PKD2L1: variants seen among roughly 807,000 people sequenced by gnomAD.
PKD2L1 encodes polycystin-2-like protein 1.
PKD2L1 carries 77 observed loss-of-function variants against 93.0 expected under a neutral mutation model. The observed-to-expected ratio is 0.83, with a 90% confidence interval of 0.69 to 1.00. The LOEUF is 1.00. Among genes scored for constraint, PKD2L1 ranks in the 50% least tolerant of loss-of-function variants. PKD2L1 has a pLI of 0.00. For missense variants in PKD2L1, 977 were observed against 990.9 expected (o/e 0.99, Z 0.19); for synonymous variants, 390 against 388.0 (o/e 1.01, Z -0.06).
intron 2 of PKD2L1, among the ~76,000 whole-genome samples, chr10:100,319,562 C>T (rs1287543583): frequency 6.6e-6 from 1 of 152,238 alleles, no homozygotes; most frequent in Admixed American, 6.5e-5. Flanking sequence ...TCTAGAAATA[C>T]TGTCAAGCTT....
At chr10:100,303,623 A>G (rs989414326) in intron 2 of PKD2L1, among the ~76,000 whole-genome samples, 1 of 152,200 alleles carries the variant, frequency 6.6e-6, no homozygotes. Flanking sequence ...GGGCACTAAC[A>G]TTATACTTTT....
chr10:100,303,191 G>GTTTTTTTTTTTTTTTTTTTTTTTTTTTTT lies in PKD2L1; in HGVS notation c.350-3474_350-3473insAAAAAAAAAAAAAAAAAAAAAAAAAAAAA, dbSNP rs146131470. Among the ~76,000 whole-genome samples the GTTTTTTTTTTTTTTTTTTTTTTTTTTTTT allele has an allele frequency of 8.5e-5, 11 of 128,982 alleles. 5 individuals are homozygous for GTTTTTTTTTTTTTTTTTTTTTTTTTTTTT. The highest frequency in any genetic ancestry group is 1.3e-4 in the Non-Finnish European group (8 of 62,728). The allele number at this position is 128,982 out of a possible 152,430, so 84.6% of individuals were successfully genotyped here. A position where few individuals can be genotyped will look rare whatever the true frequency, so the allele number is the denominator to read the frequency against. The stretch of plus-strand genomic sequence containing the variant: ...TTTAAGTCCATAATTACATCAAACT[G>GTTTTTTTTTTTTTTTTTTTTTTTTTTTTT]TTTTTTTGTTTTTTTTTTTGAGACG... On this transcript the variant is annotated intron_variant, in intron 2 of 15. Transcript: ENST00000318222.
intron 2 of PKD2L1, among the ~76,000 whole-genome samples, chr10:100,302,688 TC>T (rs34863323): frequency 0.16 from 18,049 of 113,684 alleles, 1,100 homozygotes; most frequent in Admixed American, 0.2. Context: ...TGAGACTCTG[TC>T]CCCCAAAAAA....
chr10:100,308,084 A>G (rs1030276582), intron 2 of PKD2L1, among the ~76,000 whole-genome samples: 5 of 152,170 alleles, frequency 3.3e-5, no homozygotes, highest in Non-Finnish European at 5.9e-5. Context: ...TGATGGTTTC[A>G]TGTCAAATGT....
At chr10:100,303,259 T>C (rs1241693013) in intron 2 of PKD2L1, among the ~76,000 whole-genome samples, 1 of 143,680 alleles carries the variant, frequency 7.0e-6, no homozygotes, top group African/African-American at 2.6e-5. Context: ...AATGGCACGA[T>C]CTCGGCTCAC....
rs2134377555 is a variant in PKD2L1, at chr10:100,292,956, G to A, written c.1872C>T (p.Thr624=). 1 of 1,614,000 alleles carries A rather than the reference G, an allele frequency of 6.2e-7. No individual in the cohort carries two copies. Among genetic ancestry groups the A allele is most frequent in the East Asian group, 2.2e-5 (1 of 44,892 alleles). ...QEIQFEDFTN[T]LRELGHAEHE... ...GGTCTCTGGTTGCTCACTCCCTTAA[G>A]GTGTTGGTGAAATCCTCAAACTGGA... is the stretch of plus-strand genomic sequence containing the variant. The change falls in exon 11 of 16, where the codon ACC becomes ACT. Residue 624 remains threonine (T), a synonymous_variant. Transcript: ENST00000318222.
At chr10:100,317,042 C>T (rs951151057) in intron 2 of PKD2L1, among the ~76,000 whole-genome samples, 4 of 151,640 alleles carry the variant, frequency 2.6e-5, no homozygotes, top group Admixed American at 6.6e-5. Flanking sequence ...GAGCCAAGAT[C>T]GCCCCACTGC....
chr10:100,321,753 AAGAAG>A (rs1345841441), intron 2 of PKD2L1, among the ~76,000 whole-genome samples: 1 of 5,972 alleles, frequency 1.7e-4, no homozygotes, highest in Non-Finnish European at 3.8e-4. Flanking sequence ...GAAAGAAAGA[AAGAAG>A]GGAGGGAGGG....
chr10:100,290,192 G>A (rs1468488831), intron 13 of PKD2L1, 54 bp from the exon 14 acceptor site: 2 of 1,606,762 alleles, frequency 1.2e-6, no homozygotes, highest in Non-Finnish European at 1.7e-6. Context: ...CTGGGGGCTG[G>A]ATGTCTAAAG....
chr10:100,297,238 T>A, intron 5 of PKD2L1, 30 bp from the exon 6 acceptor site: 1 of 1,599,052 alleles, frequency 6.3e-7, no homozygotes, highest in Non-Finnish European at 8.6e-7. Context: ...TGACCTCCAG[T>A]GGAGCCTTCG....
At position 100,288,484 on chromosome 10, in the gene PKD2L1, G is replaced by A; in HGVS notation, c.2336-6C>T. On this transcript the variant is annotated splice_polypyrimidine_tract_variant and splice_region_variant and intron_variant, in intron 15 of 15. Coordinates refer to ENST00000318222, the MANE Select transcript of PKD2L1 (RefSeq NM_016112.3). Reference sequence around the variant, plus strand: ...TTCTCTTTTATAGGGAACCTCTGTGGGGGAAAACGAGAAACCCATGGGTGC... The same window carrying A: ...TTCTCTTTTATAGGGAACCTCTGTGAGGGAAAACGAGAAACCCATGGGTGC... 1.3e-6 allele frequency: 2 copies of A among 1,586,076 alleles called. No homozygotes were observed. Among genetic ancestry groups the A allele is most frequent in the Non-Finnish European group, 1.7e-6 (2 of 1,154,632 alleles).
rs141368258 is a variant in PKD2L1, at chr10:100,329,935, G to T, written c.169C>A (p.Pro57Thr). 1.2e-5 allele frequency: 20 copies of T among 1,614,022 alleles called. No individual in the cohort carries two copies. Among genetic ancestry groups the T allele is most frequent in the Non-Finnish European group, 1.6e-5 (19 of 1,179,922 alleles). The change falls in exon 1 of 16, where the codon CCC (proline) becomes ACC (threonine). Residue 57 changes from proline (P) to threonine (T), a missense_variant. Physicochemically the swap from Pro to Thr is conservative, Grantham distance 38 (BLOSUM62 -1). Coordinates refer to ENST00000318222, the MANE Select transcript of PKD2L1 (RefSeq NM_016112.3). ...TGGGTCCTGTATGCCGTCTCCTGGG[G>T]TTCATCTTCAGGCTTCTTGGGTTGG... Reference protein sequence around the residue: ...QPQPKKPEDEPQETAYRTQVS... With the variant: ...QPQPKKPEDETQETAYRTQVS...
In PKD2L1 at chr10:100,298,514, G is replaced by A; in HGVS notation, c.731+48C>T. ...GTTCCCAGACCTTGGGATGGTGTCA[G>A]GTTTAGAGGGGCAAGCCCTGTGATA... On this transcript the variant is annotated intron_variant, in intron 4 of 15. Transcript: ENST00000318222. 3 of 1,596,404 alleles carry A rather than the reference G, an allele frequency of 1.9e-6. No homozygotes were observed. The South Asian group carries it at 3.4e-5, about 18-fold the overall frequency.
rs1477400013 is a variant in PKD2L1, at chr10:100,330,019, G to T, written c.85C>A (p.Pro29Thr). The T allele has an allele frequency of 6.2e-6, 10 of 1,613,570 alleles. No individual in the cohort carries two copies. Among genetic ancestry groups the T allele is most frequent in the African/African-American group, 1.3e-5 (1 of 74,906 alleles). ...ACTCTCAGCGTCCCGTGTGGGGAAG[G>T]GGGACCACTGTAGGCGGGGTTGTCC... ...AWDNPAYSGP[P>T]SPHGTLRVCT... is the part of the protein sequence containing the mutation. Residue 29 changes from proline (P) to threonine (T), a missense_variant, in exon 1 of 16, where the codon CCT becomes ACT. Coordinates refer to ENST00000318222, the MANE Select transcript of PKD2L1 (RefSeq NM_016112.3).
intron 2 of PKD2L1, among the ~76,000 whole-genome samples, chr10:100,305,337 C>G (rs998188621): frequency 3.3e-5 from 5 of 152,150 alleles, no homozygotes; most frequent in Admixed American, 1.3e-4. Flanking sequence ...TGGTCTCGAA[C>G]TCCTGACCTC....
intron 2 of PKD2L1, among the ~76,000 whole-genome samples, chr10:100,316,695 A>G (rs144412704): frequency 7.0e-4 from 106 of 152,352 alleles, no homozygotes; most frequent in African/African-American, 2.5e-3. Flanking sequence ...TGGTTTACAC[A>G]CATTTTGTTC....
At chr10:100,296,647 C>A (rs1024299696) in intron 6 of PKD2L1, among the ~76,000 whole-genome samples, 12 of 151,222 alleles carry the variant, frequency 7.9e-5, no homozygotes, top group Admixed American at 2.0e-4. Context: ...GATGAAGGGG[C>A]AGAATATTTG....
At chr10:100,325,339 A>G (rs1849353661) in intron 2 of PKD2L1, among the ~76,000 whole-genome samples, 1 of 152,198 alleles carries the variant, frequency 6.6e-6, no homozygotes. Context: ...GAGCTGAGAC[A>G]TCAGCGGGGT....
chr10:100,298,432 G>A lies in PKD2L1; in HGVS notation c.731+130C>T, dbSNP rs1406094742. The A allele has an allele frequency of 1.4e-5, 12 of 885,496 alleles. No homozygotes were observed. In the African/African-American group the frequency reaches 1.7e-4, roughly 12 times the overall value. The allele number at this position is 885,496 out of a possible 1,614,324, so 54.9% of individuals were successfully genotyped here. The stretch of plus-strand genomic sequence containing the variant: ...AACAGTCACAGCTGGGATTCAGGGA[G>A]ATGCCCCCAGAAGTCCCTTAAAGAG... On this transcript the variant is annotated intron_variant, in intron 4 of 15. Coordinates refer to ENST00000318222, the MANE Select transcript of PKD2L1 (RefSeq NM_016112.3).
Sources: gnomAD v4.1 joint callset for allele counts (sites outside exome capture counted in the v4.1 genomes callset) on GRCh38, gnomAD v4.1.1 for gene constraint, MANE v1.5 for transcripts, NCBI Gene and HGNC (gene_info 2026-07-23, HGNC 2026-07-21) for gene names.